TPST1: variants seen among roughly 807,000 people sequenced by gnomAD.
TPST1 encodes the protein protein-tyrosine sulfotransferase 1.
TPST1 carries 20 observed loss-of-function variants against 34.8 expected under a neutral mutation model. That is an observed-to-expected ratio of 0.57 (90% CI 0.40 to 0.84). The LOEUF (loss-of-function observed/expected upper bound fraction) is 0.84. TPST1 is among the 40% of genes least tolerant of loss of function. The pLI, the probability that TPST1 is intolerant of heterozygous loss-of-function variation, is 0.00. For missense variants in TPST1, 353 were observed against 455.5 expected, an observed-to-expected ratio of 0.78 and a Z score of 2.05; for synonymous variants, 152 against 159.4, an observed-to-expected ratio of 0.95 and a Z score of 0.35.
Position 66,252,126 on chromosome 7 carries a change from C to T in TPST1, c.845+10856C>T, listed in dbSNP as rs185755667. The stretch of plus-strand genomic sequence containing the variant: ...AGGCTAGAGTGCAGTGGTGCGATCT[C>T]GGCTCACTGCAAGCTCCGCCTCCCG... On this transcript the variant is annotated intron_variant, in intron 2 of 5. Coordinates refer to ENST00000304842, the MANE Select transcript of TPST1 (RefSeq NM_003596.4). 1.8e-3 allele frequency among the ~76,000 whole-genome samples: 275 copies of T among 151,826 alleles called. 1 individual carries two copies. The highest frequency in any genetic ancestry group is 6.3e-3 in the African/African-American group (260 of 41,372).
At chr7:66,344,908 T>G (rs1410801192) in intron 3 of TPST1, among the ~76,000 whole-genome samples, 1 of 150,450 alleles carries the variant, frequency 6.6e-6, no homozygotes, top group Non-Finnish European at 1.5e-5. Context: ...TACTTTTTAG[T>G]AGAGACGGGG....
At chr7:66,322,254 A>G (rs1791771750) in intron 3 of TPST1, among the ~76,000 whole-genome samples, 1 of 152,222 alleles carries the variant, frequency 6.6e-6, no homozygotes, top group African/African-American at 2.4e-5. Context: ...TAAGAAACAC[A>G]TGACATAAAA....
At chr7:66,260,406 C>G (rs1790465662) in intron 2 of TPST1, among the ~76,000 whole-genome samples, 1 of 152,144 alleles carries the variant, frequency 6.6e-6, no homozygotes, top group Non-Finnish European at 1.5e-5. Context: ...TATTTTGGAG[C>G]ATTTCAGATT....
At chr7:66,356,793 GACATTAAA>G in intron 4 of TPST1, 24 bp from the exon 5 acceptor site, 1 of 1,614,084 alleles carries the variant, frequency 6.2e-7, no homozygotes, top group Non-Finnish European at 8.5e-7. Flanking sequence ...CAACTTCAAG[GACATTAAA>G]ACATCTTTTC....
intron 1 of TPST1, among the ~76,000 whole-genome samples, chr7:66,234,414 C>G (rs948760758): frequency 6.6e-6 from 1 of 150,744 alleles, no homozygotes; most frequent in African/African-American, 2.4e-5. Flanking sequence ...CACACACACA[C>G]ACACACACAC....
In TPST1 at chr7:66,241,249, C is replaced by T. The variant is rs775780632; in HGVS notation, c.824C>T (p.Ala275Val). The part of the protein sequence containing the change: ...VLHHEEMIGK[A>V]GGVSLSKVER... ...CACCATGAAGAGATGATTGGGAAAGCTGGGGGAGTGTCTCTGTCAAAGTGA... is the reference window on the plus strand; with the variant it reads ...CACCATGAAGAGATGATTGGGAAAGTTGGGGGAGTGTCTCTGTCAAAGTGA... The change falls in exon 2 of 6, where the codon GCT (alanine) becomes GTT (valine). Residue 275 changes from alanine (A) to valine (V), a missense_variant. Ala to Val is a moderately conservative substitution (Grantham distance 64, BLOSUM62 0). Coordinates refer to ENST00000304842, the MANE Select transcript of TPST1 (RefSeq NM_003596.4). The T allele has an allele frequency of 6.2e-7, 1 of 1,608,586 alleles. No homozygotes were observed. Among genetic ancestry groups the T allele is most frequent in the African/African-American group, 1.3e-5 (1 of 74,770 alleles).
At chr7:66,225,155 G>C (rs1045357586) in intron 1 of TPST1, among the ~76,000 whole-genome samples, 11 of 151,174 alleles carry the variant, frequency 7.3e-5, no homozygotes, top group Non-Finnish European at 1.5e-4. Flanking sequence ...GACCTCAGGT[G>C]ATCCGCCTGC....
chr7:66,216,475 C>CTT (rs142729625), intron 1 of TPST1, among the ~76,000 whole-genome samples: 32 of 144,074 alleles, frequency 2.2e-4, no homozygotes, highest in Middle Eastern at 3.6e-3. Flanking sequence ...TGCTCTTTTT[C>CTT]TTTTTTTTTT....
chr7:66,273,249 C>T (rs915026413), intron 2 of TPST1, among the ~76,000 whole-genome samples: 1 of 152,078 alleles, frequency 6.6e-6, no homozygotes, highest in African/African-American at 2.4e-5. Context: ...GACTTGTACA[C>T]TAAGAACTAT....
intron 3 of TPST1, among the ~76,000 whole-genome samples, chr7:66,337,600 T>C (rs981770521): frequency 6.6e-6 from 1 of 152,150 alleles, no homozygotes; most frequent in Admixed American, 6.5e-5. Flanking sequence ...TGAGCCACCA[T>C]GTCCGGCCGA....
intron 3 of TPST1, among the ~76,000 whole-genome samples, chr7:66,342,903 T>C (rs964318466): frequency 6.6e-6 from 1 of 152,078 alleles, no homozygotes; most frequent in African/African-American, 2.4e-5. Flanking sequence ...GAATCACATT[T>C]CAGCATGAGT....
At chr7:66,268,779 C>T (rs2115781376) in intron 2 of TPST1, among the ~76,000 whole-genome samples, 1 of 152,098 alleles carries the variant, frequency 6.6e-6, no homozygotes, top group Non-Finnish European at 1.5e-5. Flanking sequence ...ACCTCTGCCT[C>T]TCAGGTTCAA....
intron 1 of TPST1, among the ~76,000 whole-genome samples, chr7:66,222,550 A>G (rs1405006417): frequency 6.6e-6 from 1 of 152,220 alleles, no homozygotes; most frequent in Non-Finnish European, 1.5e-5. Context: ...GAGGTTACAG[A>G]AGAGGGAACA....
intron 3 of TPST1, among the ~76,000 whole-genome samples, chr7:66,298,146 A>T (rs1379237924): frequency 1.3e-5 from 2 of 152,160 alleles, no homozygotes; most frequent in Admixed American, 1.3e-4. Context: ...AAAAATATGT[A>T]TTCTGTGATT....
intron 4 of TPST1, among the ~76,000 whole-genome samples, chr7:66,353,664 G>C (rs77759931): frequency 0.021 from 3,239 of 152,306 alleles, 51 homozygotes; most frequent in Middle Eastern, 0.041. Flanking sequence ...GACACTCATG[G>C]CCTGAGTGCA....
At chr7:66,216,980 C>T (rs1266003621) in intron 1 of TPST1, among the ~76,000 whole-genome samples, 1 of 151,998 alleles carries the variant, frequency 6.6e-6, no homozygotes, top group Non-Finnish European at 1.5e-5. Context: ...ATTTCATTTC[C>T]ACATATTTGT....
At chr7:66,211,599 A>G (rs1484587547) in intron 1 of TPST1, among the ~76,000 whole-genome samples, 2 of 152,246 alleles carry the variant, frequency 1.3e-5, no homozygotes, top group South Asian at 2.1e-4. Context: ...ATGATTTTGC[A>G]AACTGACCAG....
intron 2 of TPST1, among the ~76,000 whole-genome samples, chr7:66,268,473 A>G (rs1485049499): frequency 6.6e-6 from 1 of 152,212 alleles, no homozygotes; most frequent in Admixed American, 6.5e-5. Flanking sequence ...TCGGAATTTA[A>G]GACAGTGGAA....
At chr7:66,226,063 T>A (rs1331493265) in intron 1 of TPST1, among the ~76,000 whole-genome samples, 1 of 151,934 alleles carries the variant, frequency 6.6e-6, no homozygotes, top group Non-Finnish European at 1.5e-5. Flanking sequence ...ATTTTTTGTA[T>A]TTTTTAGTAG....
Sources: allele counts gnomAD v4.1 joint callset (sites outside exome capture counted in the v4.1 genomes callset), GRCh38; gene constraint gnomAD v4.1.1; transcripts MANE v1.5; gene names NCBI Gene and HGNC (gene_info 2026-07-23, HGNC 2026-07-21).